The following ENOX1 variants were observed in gnomAD, a reference collection of about 807,000 sequenced individuals.
ENOX1 encodes the protein ecto-NOX disulfide-thiol exchanger 1, also known as candidate growth-related and time keeping constitutive hydroquinone (NADH) oxidase.
Under a neutral mutation model 82.5 loss-of-function variants are expected in ENOX1, and 42 were observed. That is an observed-to-expected ratio of 0.51 (90% CI 0.40 to 0.66). The LOEUF is 0.66. Ranked by LOEUF, ENOX1 falls within the 30% of genes least tolerant of loss-of-function variation. The pLI is 0.00. For missense variants in ENOX1, 608 were observed against 811.6 expected, an observed-to-expected ratio of 0.75 and a Z score of 3.05; for synonymous variants, 271 against 282.2, an observed-to-expected ratio of 0.96 and a Z score of 0.40.
chr13:43,270,521 G>C (rs1377186007), intron 12 of ENOX1, among the ~76,000 whole-genome samples: 1 of 152,170 alleles, frequency 6.6e-6, no homozygotes, highest in Non-Finnish European at 1.5e-5. Flanking sequence ...TTGACAAGCT[G>C]GCTGCAGAGC....
chr13:43,659,752 G>A (rs2084629299), intron 2 of ENOX1, among the ~76,000 whole-genome samples: 1 of 152,034 alleles, frequency 6.6e-6, no homozygotes, highest in Admixed American at 6.5e-5. Context: ...GTATCCTTGA[G>A]TTCTATTTTT....
chr13:43,585,303 G>A (rs1023156459), intron 2 of ENOX1, among the ~76,000 whole-genome samples: 5 of 152,206 alleles, frequency 3.3e-5, no homozygotes, highest in African/African-American at 1.2e-4. Context: ...GGGAGGCAGG[G>A]CAGCCCTGCT....
At chr13:43,389,551 A>C (rs2052637836) in intron 5 of ENOX1, among the ~76,000 whole-genome samples, 1 of 152,238 alleles carries the variant, frequency 6.6e-6, no homozygotes, top group Non-Finnish European at 1.5e-5. Flanking sequence ...AGAGGGCTTT[A>C]CTGACTCCAA....
intron 2 of ENOX1, among the ~76,000 whole-genome samples, chr13:43,522,814 C>T (rs1234470173): frequency 6.6e-6 from 1 of 152,066 alleles, no homozygotes; most frequent in Non-Finnish European, 1.5e-5. Context: ...TTTTAAAACT[C>T]AAAACATTTG....
intron 8 of ENOX1, among the ~76,000 whole-genome samples, chr13:43,349,023 C>T (rs148869293): frequency 3.5e-4 from 53 of 152,174 alleles, no homozygotes; most frequent in African/African-American, 1.3e-3. Context: ...GGAATGTATC[C>T]CCCAAAGGTA....
At chr13:43,317,082 T>C (rs1472051760) in intron 11 of ENOX1, among the ~76,000 whole-genome samples, 1 of 152,206 alleles carries the variant, frequency 6.6e-6, no homozygotes, top group African/African-American at 2.4e-5. Context: ...ATGCTTCCAC[T>C]CAACACAGAC....
chr13:43,685,062 C>G (rs533821221), intron 1 of ENOX1, among the ~76,000 whole-genome samples: 1 of 152,290 alleles, frequency 6.6e-6, no homozygotes, highest in South Asian at 2.1e-4. Flanking sequence ...TCATGCTGCT[C>G]TTCCTCGATT....
At chr13:43,773,385 C>G (rs905722186) in intron 1 of ENOX1, among the ~76,000 whole-genome samples, 1 of 152,138 alleles carries the variant, frequency 6.6e-6, no homozygotes, top group African/African-American at 2.4e-5. Flanking sequence ...AAAGCAAAAA[C>G]ACTTCAGTGG....
intron 11 of ENOX1, among the ~76,000 whole-genome samples, chr13:43,308,897 T>A (rs2047022816): frequency 6.6e-6 from 1 of 152,212 alleles, no homozygotes; most frequent in Admixed American, 6.5e-5. Context: ...ATTGAGGAAC[T>A]CTCAGGATGA....
chr13:43,531,472 G>C (rs924527216), intron 2 of ENOX1, among the ~76,000 whole-genome samples: 1 of 150,290 alleles, frequency 6.7e-6, no homozygotes, highest in Admixed American at 6.7e-5. Flanking sequence ...TTACACTGTT[G>C]GTGGGACTGT....
chr13:43,294,348 A>G (rs1380165868), intron 12 of ENOX1, among the ~76,000 whole-genome samples: 1 of 152,250 alleles, frequency 6.6e-6, no homozygotes, highest in East Asian at 1.9e-4. Context: ...GCGGATTATT[A>G]AAAAATTATG....
At chr13:43,272,603 C>T (rs932062967) in intron 12 of ENOX1, among the ~76,000 whole-genome samples, 2 of 152,112 alleles carry the variant, frequency 1.3e-5, no homozygotes, top group African/African-American at 4.8e-5. Context: ...TACTTGCTAG[C>T]TATAGGGGTT....
intron 5 of ENOX1, among the ~76,000 whole-genome samples, chr13:43,387,313 C>T (rs1024556148): frequency 6.6e-6 from 1 of 152,098 alleles, no homozygotes; most frequent in African/African-American, 2.4e-5. Context: ...TGGAAAAGAA[C>T]TTTTGAGTTC....
At chr13:43,423,379 G>A (rs1313118723) in intron 3 of ENOX1, among the ~76,000 whole-genome samples, 2 of 152,172 alleles carry the variant, frequency 1.3e-5, no homozygotes. Context: ...ATCCATTAAA[G>A]CTAGAAGAGT....
At chr13:43,539,332 G>T (rs1454014839) in intron 2 of ENOX1, among the ~76,000 whole-genome samples, 2 of 152,024 alleles carry the variant, frequency 1.3e-5, no homozygotes, top group African/African-American at 4.8e-5. Flanking sequence ...CTCAAAGATG[G>T]CATTAGTTGC....
chr13:43,423,817 C>G (rs974496612), intron 3 of ENOX1, among the ~76,000 whole-genome samples: 1 of 152,150 alleles, frequency 6.6e-6, no homozygotes, highest in Non-Finnish European at 1.5e-5. Context: ...TAATTCTTGC[C>G]TCCCCCTGGT....
chr13:43,364,160 A>T (rs2050696911), intron 5 of ENOX1, among the ~76,000 whole-genome samples: 1 of 152,176 alleles, frequency 6.6e-6, no homozygotes. Context: ...CATATGATGT[A>T]CTCGCTCATT....
intron 2 of ENOX1, among the ~76,000 whole-genome samples, chr13:43,489,435 C>T (rs761775489): frequency 8.5e-5 from 13 of 152,270 alleles, no homozygotes; most frequent in African/African-American, 2.9e-4. Context: ...CAGCTGCTTC[C>T]GCCTAGATTT....
chr13:43,474,925 C>T (rs2058216863), intron 3 of ENOX1, among the ~76,000 whole-genome samples: 1 of 151,802 alleles, frequency 6.6e-6, no homozygotes, highest in Admixed American at 6.6e-5. Flanking sequence ...AGAGAATGGG[C>T]CTACCCACAG....
Sources: allele counts gnomAD v4.1 joint callset (sites outside exome capture counted in the v4.1 genomes callset), GRCh38; gene constraint gnomAD v4.1.1; transcripts MANE v1.5; gene names NCBI Gene and HGNC (gene_info 2026-07-23, HGNC 2026-07-21).